Variants in ADAMTSL2 observed in about 807,000 individuals in gnomAD.
ADAMTSL2 encodes the protein ADAMTS-like protein 2.
ADAMTSL2 carries 55 observed loss-of-function variants against 117.0 expected under a neutral mutation model. The ratio of observed to expected loss-of-function variants is 0.47; its 90% CI spans 0.38 to 0.59. The LOEUF is 0.59. Among genes scored for constraint, ADAMTSL2 ranks in the 20% least tolerant of loss-of-function variants. The probability of loss-of-function intolerance (pLI) is 0.00; values close to 1 mark genes in which losing one functional copy is unlikely to be tolerated. For synonymous variants in ADAMTSL2, 572 were observed against 566.4 expected, an observed-to-expected ratio of 1.01 and a Z score of -0.14; for missense variants, 1,182 against 1,354.5, an observed-to-expected ratio of 0.87 and a Z score of 2.00.
At chr9:133,538,570 A>G in intron 4 of ADAMTSL2, 146 bp downstream of exon 4, 1 of 912,544 alleles carries the variant, frequency 1.1e-6, no homozygotes, top group Non-Finnish European at 1.7e-6. Context: ...AGGGTTGAGA[A>G]GGCTGCGGGG....
Position 133,557,291 on chromosome 9 carries a change from C to T in ADAMTSL2, c.1649+1361C>T, listed in dbSNP as rs890323500. On this transcript the variant is annotated intron_variant, in intron 11 of 18. Transcript: ENST00000651351. The surrounding 1 kb of genome is among the most constrained non-coding windows in gnomAD (Gnocchi z 5.2). ...GAGGCCACCGAGGTGCCTGGGGCTG[C>T]GGGGTGCAGGGAGGATGTCCTGAGC... Among the ~76,000 whole-genome samples, 23 of 152,248 alleles carry T rather than the reference C, an allele frequency of 1.5e-4. No homozygotes were observed. Among genetic ancestry groups the T allele is most frequent in the African/African-American group, 5.3e-4 (22 of 41,538 alleles).
chr9:133,568,299 G>A lies in ADAMTSL2; in HGVS notation c.1901G>A (p.Cys634Tyr). Residue 634 changes from cysteine to tyrosine, a missense_variant, in exon 14 of 19, where the codon TGT becomes TAT. By Grantham distance (194) the Cys-to-Tyr change is radical. This residue lies in a region of ADAMTSL2 where 465 missense variants were observed against 565.3 expected (regional missense o/e 0.82). Coordinates refer to ENST00000651351, the MANE Select transcript of ADAMTSL2 (RefSeq NM_014694.4). ...TGGGAGACGAGCAGCTGGAGCGAGT[G>A]TTCGCGCACCTGCGGAGAGGGCTAC... ...PRWETSSWSECSRTCGEGYQF... is the reference protein window; with the variant it reads ...PRWETSSWSEYSRTCGEGYQF... 1 of 1,574,448 alleles carries A rather than the reference G, an allele frequency of 6.4e-7. No individual in the cohort carries two copies. The highest frequency in any genetic ancestry group is 8.6e-7 in the Non-Finnish European group (1 of 1,161,234).
Position 133,555,787 on chromosome 9 carries a change from C to G in ADAMTSL2, c.1506C>G (p.Asn502Lys). 6.2e-7 allele frequency: 1 copy of G among 1,613,986 alleles called. No individual in the cohort carries two copies. Among genetic ancestry groups the G allele is most frequent in the Non-Finnish European group, 8.5e-7 (1 of 1,180,036 alleles). ...GCTTCTTCGTGGATTATGAGGAGAA[C>G]GAGGGGGCTGGCCCTTACCTGCTCA... The part of the protein sequence containing the change: ...AESFFVDYEE[N>K]EGAGPYLLNG... The change falls in exon 11 of 19, where the codon AAC becomes AAG. Residue 502 changes from asparagine to lysine, a missense_variant. Asn to Lys is a moderately conservative substitution (Grantham distance 94). Around this residue, in one of 3 missense-constraint regions of ADAMTSL2, gnomAD observed 345 missense variants for 325.8 expected, o/e 1.06. Coordinates refer to ENST00000651351, the MANE Select transcript of ADAMTSL2 (RefSeq NM_014694.4).
In ADAMTSL2 at chr9:133,539,662, C is replaced by CCGGCTGTCCCGGCTGTCCCGGCTGTCT; in HGVS notation, c.310-85_310-84insTCTCGGCTGTCCCGGCTGTCCCGGCTG. The CCGGCTGTCCCGGCTGTCCCGGCTGTCT allele has an allele frequency of 5.5e-6, 6 of 1,097,218 alleles. 1 individual carries two copies. The highest frequency in any genetic ancestry group is 7.9e-6 in the Non-Finnish European group (6 of 756,508). The allele number at this position is 1,097,218 out of a possible 1,614,324, so 68.0% of individuals were successfully genotyped here. A position where few individuals can be genotyped will look rare whatever the true frequency, so the allele number is the denominator to read the frequency against. ...GGGCCGTGGCCCCCGCACGGCTGTC[C>CCGGCTGTCCCGGCTGTCCCGGCTGTCT]CGGCTGTCCCGGCTGTCCCGGCTGC... is the stretch of plus-strand genomic sequence containing the variant. On this transcript the variant is annotated intron_variant, in intron 4 of 18. Coordinates refer to ENST00000651351, the MANE Select transcript of ADAMTSL2 (RefSeq NM_014694.4).
In ADAMTSL2 at chr9:133,534,876, C is replaced by T. The variant is rs974126115; in HGVS notation, c.-192C>T. 11 of 1,469,656 alleles carry T rather than the reference C, an allele frequency of 7.5e-6. No individual in the cohort carries two copies. The African/African-American group carries it at 1.2e-4, about 16-fold the overall frequency. The allele number at this position is 1,469,656 out of a possible 1,614,324, so 91.0% of individuals were successfully genotyped here. A position where few individuals can be genotyped will look rare whatever the true frequency, so the allele number is the denominator to read the frequency against. On this transcript the variant is annotated 5_prime_UTR_variant, in exon 1 of 19. Coordinates refer to ENST00000651351, the MANE Select transcript of ADAMTSL2 (RefSeq NM_014694.4). ...GGCGCCGTCTGCCCTCCGCAGCGCT[C>T]GCCCCTTTCTCTGGGAGGACAACCT...
At chr9:133,560,061 A>G (rs377609440) in intron 11 of ADAMTSL2, among the ~76,000 whole-genome samples, 71 of 152,354 alleles carry the variant, frequency 4.7e-4, no homozygotes, top group African/African-American at 1.6e-3. Flanking sequence ...TAAACTCCCC[A>G]TTCAATCCAA....
At chr9:133,536,053 C>A (rs1030143865) in intron 1 of ADAMTSL2, among the ~76,000 whole-genome samples, 1 of 152,306 alleles carries the variant, frequency 6.6e-6, no homozygotes, top group African/African-American at 2.4e-5. Context: ...CTCCGGGGAT[C>A]GGGAGGCGGC....
chr9:133,538,517 G>C (rs376358597), intron 4 of ADAMTSL2, 93 bp downstream of exon 4: 356 of 1,441,998 alleles, frequency 2.5e-4, no homozygotes, highest in Admixed American at 1.4e-3. Flanking sequence ...TGGGCATTCT[G>C]GGCATTCTGT....
At position 133,554,348 on chromosome 9, in the gene ADAMTSL2, T is replaced by G. The variant is rs1350401915; in HGVS notation, c.940-9T>G. On this transcript the variant is annotated splice_polypyrimidine_tract_variant and intron_variant, in intron 9 of 18. Coordinates refer to ENST00000651351, the MANE Select transcript of ADAMTSL2 (RefSeq NM_014694.4). This position sits in a 1 kb window ranked among gnomAD's most constrained non-coding sequence, Gnocchi z 5.2. ...AGGAGGGGCTGGGGACCCACTTCTCTTTCCCTAGGTGTGGAACCAGAACGG... is the reference window on the plus strand; with the variant it reads ...AGGAGGGGCTGGGGACCCACTTCTCGTTCCCTAGGTGTGGAACCAGAACGG... 6.5e-7 allele frequency: 1 copy of G among 1,542,864 alleles called. No homozygotes were observed. The highest frequency in any genetic ancestry group is 1.4e-5 in the African/African-American group (1 of 73,874).
At chr9:133,539,054 A>G (rs1290868328) in intron 4 of ADAMTSL2, among the ~76,000 whole-genome samples, 1 of 152,152 alleles carries the variant, frequency 6.6e-6, no homozygotes, top group Non-Finnish European at 1.5e-5. Flanking sequence ...CAGGGAAGGC[A>G]GAGCAGCTGG....
At position 133,549,121 on chromosome 9, in the gene ADAMTSL2, C is replaced by T. The variant is rs1225848250; in HGVS notation, c.939+1908C>T. ...GGTTCACGCCATTCTCCTGCCTCAG[C>T]CTCCCAAGTAGCTGGGACTACAGGC... On this transcript the variant is annotated intron_variant, in intron 9 of 18. Transcript: ENST00000651351. 4.4e-3 allele frequency among the ~76,000 whole-genome samples: 155 copies of T among 35,494 alleles called. 63 individuals are homozygous for T. The highest frequency in any genetic ancestry group is 0.012 in the African/African-American group (150 of 12,364). The allele number at this position is 35,494 out of a possible 152,430, so 23.3% of individuals were successfully genotyped here.
chr9:133,563,229 A>T (rs1588301267), intron 12 of ADAMTSL2, among the ~76,000 whole-genome samples: 2 of 152,250 alleles, frequency 1.3e-5, no homozygotes, highest in African/African-American at 4.8e-5. Context: ...CCACCACCTG[A>T]TGCAGGGTGC....
In ADAMTSL2 at chr9:133,544,394, G is replaced by C. The variant is rs577591402; in HGVS notation, c.683-76G>C. 1.6e-5 allele frequency: 19 copies of C among 1,198,900 alleles called. No individual in the cohort carries two copies. The South Asian group carries it at 2.2e-4, about 14-fold the overall frequency. The allele number at this position is 1,198,900 out of a possible 1,614,324, so 74.3% of individuals were successfully genotyped here. The stretch of plus-strand genomic sequence containing the variant: ...GACAGCCACCGCTCACCCTCCAATA[G>C]CTGTGGAGTGGGCGAGTGCCACCCA... On this transcript the variant is annotated intron_variant, in intron 7 of 18. Coordinates refer to ENST00000651351, the MANE Select transcript of ADAMTSL2 (RefSeq NM_014694.4).
intron 18 of ADAMTSL2, among the ~76,000 whole-genome samples, 160 bp from the exon 19 acceptor site, chr9:133,574,586 A>C (rs1831184314): frequency 6.6e-6 from 1 of 152,138 alleles, no homozygotes; most frequent in Non-Finnish European, 1.5e-5. Context: ...TTGGGGACAG[A>C]GATGGGCCAG....
intron 8 of ADAMTSL2, 29 bp from the exon 9 acceptor site, chr9:133,547,008 CT>C (rs767263389): frequency 1.2e-6 from 2 of 1,613,476 alleles, no homozygotes; most frequent in Non-Finnish European, 1.7e-6. Context: ...CCAGTTTGGC[CT>C]TTTGTGACCG....
At chr9:133,567,114 C>G in intron 13 of ADAMTSL2, 52 bp downstream of exon 13, 1 of 1,569,490 alleles carries the variant, frequency 6.4e-7, no homozygotes, top group East Asian at 2.3e-5. Context: ...GCGTGAGGGG[C>G]TCTGCCCAAA....
rs866798686 is a variant in ADAMTSL2 at position 133,571,965 on chromosome 9, C to T, written c.2592+1458C>T. On this transcript the variant is annotated intron_variant, in intron 17 of 18. Coordinates refer to ENST00000651351, the MANE Select transcript of ADAMTSL2 (RefSeq NM_014694.4). The stretch of plus-strand genomic sequence containing the variant: ...CAGGTGTGTATCAGGCCCTGGCGCC[C>T]GAGGGCTCCAAGTCTTGGTTGCTGT... Among the ~76,000 whole-genome samples the T allele has an allele frequency of 5.1e-3, 774 of 152,286 alleles. 9 individuals carry two copies. Among genetic ancestry groups the T allele is most frequent in the African/African-American group, 0.018 (744 of 41,558 alleles).
Position 133,568,416 on chromosome 9 carries a change from G to A in ADAMTSL2, c.2018G>A (p.Arg673Gln), listed in dbSNP as rs1588309201. ...CTGTGCGAGGCAGCCGAGGCCGTGC[G>A]GCCCGAGGAACGCAAGACCTGCCGG... is the stretch of plus-strand genomic sequence containing the variant. ...SDLCEAAEAV[R>Q]PEERKTCRNP... is the part of the protein sequence containing the mutation. Residue 673 changes from arginine to glutamine, a missense_variant, in exon 14 of 19, where the codon CGG (arginine) becomes CAG (glutamine). Arg to Gln is a conservative substitution (Grantham distance 43). Transcript: ENST00000651351. 2.0e-5 allele frequency: 32 copies of A among 1,608,618 alleles called. No homozygotes were observed. The highest frequency in any genetic ancestry group is 5.0e-5 in the Admixed American group (3 of 59,558).
chr9:133,567,332 A>G (rs1331357819), intron 13 of ADAMTSL2, among the ~76,000 whole-genome samples: 1 of 152,220 alleles, frequency 6.6e-6, no homozygotes, highest in South Asian at 2.1e-4. Flanking sequence ...TCTCAACATT[A>G]TATTACAGCG....
Sources: allele counts gnomAD v4.1 joint callset (sites outside exome capture counted in the v4.1 genomes callset), GRCh38; gene constraint gnomAD v4.1.1; regional missense constraint gnomAD v4.1.1; non-coding constraint Gnocchi (gnomAD v3.1); transcripts MANE v1.5; gene names NCBI Gene and HGNC (gene_info 2026-07-23, HGNC 2026-07-21).